The following IL1RAPL1 variants were observed in gnomAD, a reference collection of about 807,000 sequenced individuals.
The protein encoded by IL1RAPL1 is interleukin 1 receptor accessory protein like 1, also known as interleukin-1 receptor accessory protein-like 1.
A neutral mutation model predicts 48.4 loss-of-function variants in IL1RAPL1; 3 were observed. The observed-to-expected ratio is 0.06, with a 90% CI of 0.03 to 0.16. IL1RAPL1 has a LOEUF of 0.16. Ranked by LOEUF, IL1RAPL1 falls within the 10% of genes least tolerant of loss-of-function variation. The pLI, the probability that IL1RAPL1 is intolerant of heterozygous loss-of-function variation, is 1.00. For missense variants in IL1RAPL1, 349 were observed against 530.6 expected (o/e 0.66, Z 3.36); for synonymous variants, 185 against 187.7 (o/e 0.99, Z 0.12).
At chrX:29,255,359 T>G (rs1931739983) in intron 2 of IL1RAPL1, among the ~76,000 whole-genome samples, 1 of 109,623 alleles carries the variant, frequency 9.1e-6, no homozygotes, top group South Asian at 3.9e-4. Context: ...TGATTCATGG[T>G]CGTTGAAGTA....
rs753787319 is a variant in IL1RAPL1, at chrX:29,449,132, G to A, written c.703+49824G>A. Among the ~76,000 whole-genome samples, 6 of 111,460 alleles carry A rather than the reference G, an allele frequency of 5.4e-5. No individual in the cohort carries two copies. The South Asian group carries it at 2.3e-3, about 42-fold the overall frequency. ...AATATTTACAACGATCCAATGAAAG[G>A]TACTATTCTTCCCATTTATACATAA... On this transcript the variant is annotated intron_variant, in intron 5 of 10. Transcript: ENST00000378993.
At chrX:29,118,507 A>T (rs1391966068) in intron 2 of IL1RAPL1, among the ~76,000 whole-genome samples, 2 of 112,039 alleles carry the variant, frequency 1.8e-5, no homozygotes. Flanking sequence ...ATATTAATCA[A>T]AATGCAAAGA....
chrX:29,661,104 G>A (rs770987202), intron 5 of IL1RAPL1, among the ~76,000 whole-genome samples: 4 of 111,384 alleles, frequency 3.6e-5, no homozygotes, highest in Middle Eastern at 4.7e-3. Context: ...ATTGTAAAGG[G>A]GATTTCTTTC....
chrX:29,531,137 G>C (rs1921025646), intron 5 of IL1RAPL1, among the ~76,000 whole-genome samples: 1 of 109,252 alleles, frequency 9.2e-6, no homozygotes, highest in Admixed American at 9.8e-5. Flanking sequence ...CAATCTGCTA[G>C]ATTAATTTGT....
intron 5 of IL1RAPL1, among the ~76,000 whole-genome samples, chrX:29,641,804 C>G (rs905029373): frequency 4.4e-5 from 5 of 112,504 alleles, no homozygotes; most frequent in African/African-American, 1.6e-4. Context: ...GAAATTACCT[C>G]TGCAATATCT....
chrX:29,504,079 G>C (rs760931947), intron 5 of IL1RAPL1, among the ~76,000 whole-genome samples: 1 of 108,977 alleles, frequency 9.2e-6, no homozygotes, highest in East Asian at 2.9e-4. Context: ...TCCTGCCTCA[G>C]TCTCCTGAGT....
chrX:29,720,249 C>T (rs1927601856), intron 6 of IL1RAPL1, among the ~76,000 whole-genome samples: 1 of 109,391 alleles, frequency 9.1e-6, no homozygotes, highest in African/African-American at 3.3e-5. Context: ...AATCCCATTA[C>T]TGGGTATATA....
chrX:29,351,587 G>A (rs1933231007), intron 3 of IL1RAPL1, among the ~76,000 whole-genome samples: 1 of 112,351 alleles, frequency 8.9e-6, no homozygotes, highest in South Asian at 3.6e-4. Flanking sequence ...ATATGAAATT[G>A]GTATTTAATT....
At chrX:29,239,713 T>C (rs756016533) in intron 2 of IL1RAPL1, among the ~76,000 whole-genome samples, 1 of 92,398 alleles carries the variant, frequency 1.1e-5, no homozygotes, top group South Asian at 4.1e-4. Flanking sequence ...CATTGTGAGA[T>C]TTTTTTTTTT....
At chrX:28,666,542 G>A (rs1227197397) in intron 1 of IL1RAPL1, among the ~76,000 whole-genome samples, 1 of 111,540 alleles carries the variant, frequency 9.0e-6, no homozygotes, top group Non-Finnish European at 1.9e-5. Flanking sequence ...AATTTTTTTT[G>A]TTTACAAACT....
intron 2 of IL1RAPL1, among the ~76,000 whole-genome samples, chrX:28,931,490 T>C (rs1265331628): frequency 8.9e-6 from 1 of 112,032 alleles, no homozygotes; most frequent in Non-Finnish European, 1.9e-5. Flanking sequence ...TTAAAATTAG[T>C]AAGTGTAAAG....
intron 2 of IL1RAPL1, among the ~76,000 whole-genome samples, chrX:29,060,767 C>CAA (rs1476872376): frequency 9.0e-6 from 1 of 111,631 alleles, no homozygotes. Context: ...ATTTCAAATA[C>CAA]AAAGTTCTAT....
intron 1 of IL1RAPL1, among the ~76,000 whole-genome samples, chrX:28,766,681 C>T (rs1249866985): frequency 2.7e-5 from 3 of 110,501 alleles, no homozygotes; most frequent in Non-Finnish European, 5.7e-5. Flanking sequence ...CCTCTCCTCC[C>T]GCATCCCCCA....
chrX:29,663,297 A>G (rs1925901077), intron 5 of IL1RAPL1, among the ~76,000 whole-genome samples: 1 of 112,575 alleles, frequency 8.9e-6, no homozygotes, highest in South Asian at 3.7e-4. Flanking sequence ...GCAATTGCAC[A>G]AAGCATGTTT....
At chrX:29,156,044 T>C (rs1177639342) in intron 2 of IL1RAPL1, among the ~76,000 whole-genome samples, 1 of 111,372 alleles carries the variant, frequency 9.0e-6, no homozygotes, top group Non-Finnish European at 1.9e-5. Flanking sequence ...TTATTGCATC[T>C]ACCCTCTTGA....
chrX:28,816,181 T>C (rs1395996327), intron 2 of IL1RAPL1, among the ~76,000 whole-genome samples: 1 of 108,955 alleles, frequency 9.2e-6, no homozygotes, highest in Non-Finnish European at 1.9e-5. Context: ...TTAGTCCCTG[T>C]CTTCTGGACA....
intron 2 of IL1RAPL1, among the ~76,000 whole-genome samples, chrX:29,161,264 G>A (rs1246126459): frequency 3.6e-5 from 4 of 111,467 alleles, no homozygotes; most frequent in Admixed American, 1.9e-4. Flanking sequence ...AGAAAGTGAT[G>A]TATGGAGAAC....
rs1458544572 is a variant in IL1RAPL1 at position 29,803,382 on chromosome X, C to CATGTATACACATATGTATATATGTGTAT, written c.779-114077_779-114050dup. On this transcript the variant is annotated intron_variant, in intron 6 of 10. Coordinates refer to ENST00000378993, the MANE Select transcript of IL1RAPL1 (RefSeq NM_014271.4). ...GTATACACATATGTATATATGTATA[C>CATGTATACACATATGTATATATGTGTAT]ATGTATACACATATGTATATATGTG... 5.8e-3 allele frequency among the ~76,000 whole-genome samples: 445 copies of CATGTATACACATATGTATATATGTGTAT among 76,968 alleles called. 57 individuals carry two copies. The highest frequency in any genetic ancestry group is 0.017 in the African/African-American group (324 of 19,231). 66.8% of individuals were successfully genotyped at this position (76,968 alleles called of 115,157 possible).
intron 2 of IL1RAPL1, among the ~76,000 whole-genome samples, chrX:28,831,038 G>A (rs866660905): frequency 2.1e-5 from 1 of 48,586 alleles, no homozygotes. Flanking sequence ...GTGTGTGTGT[G>A]TGTGTGTGTG....
Sources: gnomAD v4.1 joint callset for allele counts (sites outside exome capture counted in the v4.1 genomes callset) on GRCh38, gnomAD v4.1.1 for gene constraint, MANE v1.5 for transcripts, NCBI Gene and HGNC (gene_info 2026-07-23, HGNC 2026-07-21) for gene names.